POTEJ: variants seen among roughly 807,000 people sequenced by gnomAD.
POTEJ encodes POTE ankyrin domain family, member J.
In POTEJ, 11 loss-of-function variants were observed where a neutral mutation model predicts 69.0. That is an observed-to-expected ratio of 0.16 (90% confidence interval 0.10 to 0.26). POTEJ has a LOEUF of 0.26. Ranked by LOEUF, POTEJ falls within the 10% of genes least tolerant of loss-of-function variation. POTEJ has a pLI of 1.00. For missense variants in POTEJ, 327 were observed against 1,045.5 expected, an observed-to-expected ratio of 0.31 and a Z score of 9.48; for synonymous variants, 117 against 381.1, an observed-to-expected ratio of 0.31 and a Z score of 8.07.
At chr2:130,625,181 G>C (rs1291246659) in intron 6 of POTEJ, among the ~76,000 whole-genome samples, 1 of 152,164 alleles carries the variant, frequency 6.6e-6, no homozygotes, top group Non-Finnish European at 1.5e-5. Flanking sequence ...AATAGATGTA[G>C]TTTTGATCTT....
chr2:130,630,825 G>A (rs1339229942), intron 7 of POTEJ, among the ~76,000 whole-genome samples: 1 of 144,938 alleles, frequency 6.9e-6, no homozygotes, highest in Admixed American at 6.8e-5. Context: ...CAGATAATCT[G>A]GATACATAAC....
At chr2:130,611,307 G>GC, upstream of POTEJ, among the ~76,000 whole-genome samples, 1 of 142,672 alleles carries the variant, frequency 7.0e-6, no homozygotes, top group South Asian at 2.2e-4. Context: ...CTTGGGGGGG[G>GC]GGGGGTTGGC....
chr2:130,641,709 AT>A (rs1201347354), intron 10 of POTEJ, among the ~76,000 whole-genome samples: 8 of 151,888 alleles, frequency 5.3e-5, no homozygotes, highest in African/African-American at 1.9e-4. Context: ...GGAATGACTA[AT>A]TTTTTTCTAT....
chr2:130,639,372 A>T (rs1686248338), intron 10 of POTEJ, among the ~76,000 whole-genome samples: 1 of 152,310 alleles, frequency 6.6e-6, no homozygotes. Flanking sequence ...TACTGACTTC[A>T]TTCCTCCTGT....
chr2:130,656,890 G>C lies in POTEJ; in HGVS notation c.2130G>C (p.Met710Ile). The C allele has an allele frequency of 6.2e-7, 1 of 1,601,482 alleles. No individual in the cohort carries two copies. The highest frequency in any genetic ancestry group is 1.1e-5 in the South Asian group (1 of 90,866). Residue 710 changes from methionine to isoleucine, a missense_variant, in exon 15 of 15, where the codon ATG becomes ATC. Physicochemically the swap from Met to Ile is conservative, Grantham distance 10. Transcript: ENST00000409602. Reference protein sequence around the residue: ...CPRQQGMMGGMHQKESYVGKE... With the variant: ...CPRQQGMMGGIHQKESYVGKE... ...GGCAGCAGGGCATGATGGGGGGCATGCATCAGAAAGAGTCCTATGTGGGCA... is the reference window on the plus strand; with the variant it reads ...GGCAGCAGGGCATGATGGGGGGCATCCATCAGAAAGAGTCCTATGTGGGCA...
chr2:130,656,046 T>A (rs1453739673), intron 14 of POTEJ, among the ~76,000 whole-genome samples: 1 of 144,624 alleles, frequency 6.9e-6, no homozygotes. Flanking sequence ...ATCGGTAAAA[T>A]GTTCTTCAGT....
chr2:130,627,341 A>G (rs1487141339), intron 6 of POTEJ, among the ~76,000 whole-genome samples: 3 of 149,752 alleles, frequency 2.0e-5, no homozygotes, highest in African/African-American at 5.0e-5. Context: ...ATCACCATCA[A>G]TGATCAAAAG....
intron 10 of POTEJ, among the ~76,000 whole-genome samples, chr2:130,641,758 T>C (rs1261926700): frequency 6.6e-6 from 1 of 152,074 alleles, no homozygotes; most frequent in Non-Finnish European, 1.5e-5. Flanking sequence ...ATATTTTGAG[T>C]AGGTCATTGG....
chr2:130,632,014 C>T lies in POTEJ; in HGVS notation c.1132-476C>T, dbSNP rs535375204. Among the ~76,000 whole-genome samples, 137 of 143,842 alleles carry T rather than the reference C, an allele frequency of 9.5e-4. 23 individuals are homozygous for T. The highest frequency in any genetic ancestry group is 3.3e-3 in the African/African-American group (122 of 36,574). 94.4% of individuals were successfully genotyped at this position (143,842 alleles called of 152,430 possible). ...GCAGTGGGGGAGAAGAATATCTTAG[C>T]GCAGAAAAGGGCAAACTTCCTTTCT... On this transcript the variant is annotated intron_variant, in intron 8 of 14. Coordinates refer to ENST00000409602, the MANE Select transcript of POTEJ (RefSeq NM_001277083.2).
rs1685612205 is a variant in POTEJ at position 130,623,902 on chromosome 2, T to C, written c.945-162T>C. ...ATTTTTTTCGTCTTTAATTAGAAGC[T>C]TAAAGAGAAGTTTGTAGAATGTACT... On this transcript the variant is annotated intron_variant, in intron 5 of 14. Transcript: ENST00000409602. Among the ~76,000 whole-genome samples, 2 of 129,896 alleles carry C rather than the reference T, an allele frequency of 1.5e-5. 1 individual carries two copies. Among genetic ancestry groups the C allele is most frequent in the South Asian group, 4.6e-4 (2 of 4,322 alleles). 85.2% of individuals were successfully genotyped at this position (129,896 alleles called of 152,430 possible).
chr2:130,644,412 G>A (rs1472396607), intron 11 of POTEJ, among the ~76,000 whole-genome samples: 2 of 151,806 alleles, frequency 1.3e-5, no homozygotes, highest in African/African-American at 4.8e-5. Context: ...GGAGCTTGCA[G>A]TGAGCCGACA....
intron 10 of POTEJ, among the ~76,000 whole-genome samples, chr2:130,643,377 G>T (rs930537199): frequency 1.5e-5 from 2 of 130,360 alleles, no homozygotes; most frequent in East Asian, 2.1e-4. Context: ...AAATCAGCTG[G>T]GTGTGGTGGT....
chr2:130,639,221 C>A (rs1189356688), intron 10 of POTEJ, among the ~76,000 whole-genome samples: 1 of 152,306 alleles, frequency 6.6e-6, no homozygotes, highest in Non-Finnish European at 1.5e-5. Context: ...TGGTACCAGT[C>A]TGTGGCCTGG....
intron 10 of POTEJ, among the ~76,000 whole-genome samples, chr2:130,640,854 A>T (rs1220042233): frequency 2.8e-4 from 43 of 152,312 alleles, no homozygotes; most frequent in African/African-American, 9.6e-4. Flanking sequence ...TTTTTCTGCC[A>T]GAAAGAATGA....
intron 9 of POTEJ, among the ~76,000 whole-genome samples, chr2:130,636,041 TCTGCTTCAGCCACA>T (rs1260320479): frequency 2.8e-5 from 4 of 144,238 alleles, no homozygotes; most frequent in Non-Finnish European, 5.9e-5. Context: ...TCTCCCTTGC[TCTGCTTCAGCCACA>T]CTGAATTCTT....
At chr2:130,642,873 C>T (rs997106111) in intron 10 of POTEJ, among the ~76,000 whole-genome samples, 4 of 150,822 alleles carry the variant, frequency 2.7e-5, no homozygotes, top group African/African-American at 9.8e-5. Flanking sequence ...CTGCCCTCTA[C>T]CCCTTTTAAT....
chr2:130,613,273 TAC>T (rs1212862875), intron 1 of POTEJ, among the ~76,000 whole-genome samples: 1 of 60,724 alleles, frequency 1.6e-5, no homozygotes, highest in Non-Finnish European at 2.8e-5. Flanking sequence ...TACATATATA[TAC>T]ATATGTATAT....
chr2:130,623,654 A>G (rs1685605081), intron 5 of POTEJ, among the ~76,000 whole-genome samples: 3 of 125,060 alleles, frequency 2.4e-5, no homozygotes. Context: ...AAAAAATGTT[A>G]TCTCGTTAAA....
chr2:130,632,754 C>G, intron 9 of POTEJ, 98 bp downstream of exon 9: 5 of 1,271,818 alleles, frequency 3.9e-6, no homozygotes, highest in Non-Finnish European at 5.5e-6. Flanking sequence ...TATAGTTTTA[C>G]TAGGATATTC....
Sources: allele counts gnomAD v4.1 joint callset (sites outside exome capture counted in the v4.1 genomes callset), GRCh38; gene constraint gnomAD v4.1.1; transcripts MANE v1.5; gene names NCBI Gene and HGNC (gene_info 2026-07-23, HGNC 2026-07-21).